The following RUFY1 variants were observed in gnomAD, a reference collection of about 807,000 sequenced individuals.
RUFY1 encodes RUN and FYVE domain containing 1.
In RUFY1, 54 loss-of-function variants were observed where a neutral mutation model predicts 94.6. The ratio of observed to expected loss-of-function variants is 0.57; its 90% CI spans 0.46 to 0.72. The LOEUF is 0.72. Ranked by LOEUF, RUFY1 falls within the 30% of genes least tolerant of loss-of-function variation. RUFY1 has a pLI of 0.00. For missense variants in RUFY1, 883 were observed against 883.9 expected (o/e 1.00, Z 0.01); for synonymous variants, 396 against 347.3 (o/e 1.14, Z -1.56).
At chr5:179,551,751 G>A (rs1164863621) in intron 1 of RUFY1, among the ~76,000 whole-genome samples, 1 of 148,618 alleles carries the variant, frequency 6.7e-6, no homozygotes, top group African/African-American at 2.5e-5. Context: ...CTGACCTTGT[G>A]ATACACCTGC....
chr5:179,596,152 G>A (rs937735742), intron 12 of RUFY1: 1 of 288,260 alleles, frequency 3.5e-6, no homozygotes, highest in African/African-American at 2.3e-5. Flanking sequence ...GTATGACTCA[G>A]CCGTAGAAAG....
chr5:179,590,628 G>A (rs1340841651), intron 9 of RUFY1, among the ~76,000 whole-genome samples: 2 of 151,156 alleles, frequency 1.3e-5, no homozygotes, highest in African/African-American at 4.9e-5. Context: ...GGGACTACAG[G>A]CGCCTGCTAC....
intron 13 of RUFY1, among the ~76,000 whole-genome samples, chr5:179,597,312 T>C (rs1581539259): frequency 6.6e-6 from 1 of 152,098 alleles, no homozygotes; most frequent in South Asian, 2.1e-4. Flanking sequence ...CTCGGCTCAC[T>C]GCAACCTCTG....
At chr5:179,564,091 A>G (rs1762641302) in intron 3 of RUFY1, among the ~76,000 whole-genome samples, 1 of 148,356 alleles carries the variant, frequency 6.7e-6, no homozygotes, top group African/African-American at 2.5e-5. Flanking sequence ...AGAGTAAAGC[A>G]CCTACACAGA....
intron 5 of RUFY1, among the ~76,000 whole-genome samples, chr5:179,573,456 C>T (rs371737758): frequency 1.3e-5 from 2 of 152,054 alleles, no homozygotes; most frequent in African/African-American, 4.8e-5. Context: ...CTGAGGGATG[C>T]GGTTTCTCAC....
chr5:179,567,453 A>G lies in RUFY1; in HGVS notation c.603-8A>G, dbSNP rs776422808. On this transcript the variant is annotated splice_polypyrimidine_tract_variant and splice_region_variant and intron_variant, in intron 3 of 17. Coordinates refer to ENST00000319449, the MANE Select transcript of RUFY1 (RefSeq NM_025158.5). ...GCCACAATAGTTGATTCTCTGTTTG[A>G]ATTCTAGGACAGCTGTGGGAAGAGG... The G allele has an allele frequency of 6.2e-7, 1 of 1,607,638 alleles. No individual in the cohort carries two copies. The highest frequency in any genetic ancestry group is 1.7e-5 in the Admixed American group (1 of 59,908).
At chr5:179,588,844 C>T (rs1764817751) in intron 8 of RUFY1, among the ~76,000 whole-genome samples, 1 of 152,196 alleles carries the variant, frequency 6.6e-6, no homozygotes, top group Admixed American at 6.5e-5. Flanking sequence ...CATCCTCCCA[C>T]CTCAGCCTCC....
chr5:179,579,719 A>G (rs1294480267), intron 6 of RUFY1, among the ~76,000 whole-genome samples: 1 of 123,348 alleles, frequency 8.1e-6, no homozygotes, highest in Admixed American at 1.1e-4. Context: ...GCTGGAGTGC[A>G]GTGGCACAAT....
At position 179,582,133 on chromosome 5, in the gene RUFY1, A is replaced by G. The variant is rs570366212; in HGVS notation, c.956+1121A>G. On this transcript the variant is annotated intron_variant, in intron 7 of 17. Coordinates refer to ENST00000319449, the MANE Select transcript of RUFY1 (RefSeq NM_025158.5). Reference sequence around the variant, plus strand: ...TTAATGTAATCATGGTTTTCATCCCATAATCTACTGATGTGGTGTATTTTA... The same window carrying G: ...TTAATGTAATCATGGTTTTCATCCCGTAATCTACTGATGTGGTGTATTTTA... Among the ~76,000 whole-genome samples, 28 of 152,140 alleles carry G rather than the reference A, an allele frequency of 1.8e-4. 1 individual carries two copies. In the South Asian group the frequency reaches 4.4e-3, roughly 24 times the overall value.
intron 1 of RUFY1, among the ~76,000 whole-genome samples, chr5:179,556,652 C>T (rs1160501350): frequency 3.3e-5 from 5 of 152,070 alleles, no homozygotes; most frequent in Non-Finnish European, 7.4e-5. Context: ...AGGTGCACGC[C>T]AGCACGCCCA....
intron 12 of RUFY1, chr5:179,596,303 T>C (rs1192000523): frequency 3.6e-6 from 2 of 555,246 alleles, no homozygotes; most frequent in South Asian, 2.0e-5. Context: ...TATAATTACA[T>C]TGAGATTACA....
intron 9 of RUFY1, chr5:179,590,835 G>GT (rs1054711292): frequency 2.0e-5 from 3 of 148,174 alleles, no homozygotes; most frequent in African/African-American, 7.5e-5. Flanking sequence ...CTTTATCAAT[G>GT]TAACTTTTTT....
chr5:179,595,055 G>A, intron 12 of RUFY1, 92 bp downstream of exon 12: 3 of 905,988 alleles, frequency 3.3e-6, no homozygotes, highest in Admixed American at 2.0e-5. Flanking sequence ...CAAAGTGCAG[G>A]GGAGAGGCTG....
chr5:179,599,106 G>A (rs1264346336), intron 14 of RUFY1, among the ~76,000 whole-genome samples: 4 of 152,266 alleles, frequency 2.6e-5, no homozygotes, highest in Admixed American at 2.6e-4. Flanking sequence ...CGACCGGTGA[G>A]CAGAGGCTCC....
intron 15 of RUFY1, among the ~76,000 whole-genome samples, chr5:179,603,169 A>G (rs1346111621): frequency 6.6e-6 from 1 of 151,900 alleles, no homozygotes; most frequent in East Asian, 1.9e-4. Context: ...GGAGGCTGAG[A>G]CAGCAGCATC....
chr5:179,602,485 C>T (rs1766541968), intron 15 of RUFY1: 1 of 154,806 alleles, frequency 6.5e-6, no homozygotes, highest in Non-Finnish European at 1.4e-5. Flanking sequence ...CCTGGTAGTT[C>T]TGCTCCCCTC....
intron 16 of RUFY1, 111 bp from the exon 17 acceptor site, chr5:179,607,471 C>A: frequency 1.2e-6 from 1 of 847,378 alleles, no homozygotes; most frequent in Non-Finnish European, 2.0e-6. Flanking sequence ...GAAACAGTGC[C>A]TCACTAGGAA....
Position 179,609,357 on chromosome 5 carries a change from C to A in RUFY1, c.1984-19C>A. 6.2e-7 allele frequency: 1 copy of A among 1,611,618 alleles called. No individual in the cohort carries two copies. The highest frequency in any genetic ancestry group is 8.5e-7 in the Non-Finnish European group (1 of 1,179,064). On this transcript the variant is annotated intron_variant, in intron 17 of 17. Transcript: ENST00000319449. Reference sequence around the variant, plus strand: ...CTTTTCCCCGGGTGTCCTGTGACCGCCTTCTTCCCGTCCTGTAGCACCACT... The same window carrying A: ...CTTTTCCCCGGGTGTCCTGTGACCGACTTCTTCCCGTCCTGTAGCACCACT...
intron 3 of RUFY1, among the ~76,000 whole-genome samples, chr5:179,565,899 T>G (rs578097411): frequency 6.6e-6 from 1 of 152,102 alleles, no homozygotes; most frequent in East Asian, 1.9e-4. Context: ...CCCAACACTT[T>G]GAGAGGCTGA....
Sources: allele counts gnomAD v4.1 joint callset (sites outside exome capture counted in the v4.1 genomes callset), GRCh38; gene constraint gnomAD v4.1.1; transcripts MANE v1.5; gene names NCBI Gene and HGNC (gene_info 2026-07-23, HGNC 2026-07-21).